The following FNDC3B variants were observed in gnomAD, a reference collection of about 807,000 sequenced individuals.
FNDC3B encodes the protein fibronectin type III domain containing 3B, also known as fibronectin type III domain-containing protein 3B.
A neutral mutation model predicts 151.5 loss-of-function variants in FNDC3B; 12 were observed. The observed-to-expected ratio is 0.08, with a 90% CI of 0.05 to 0.13. The LOEUF (loss-of-function observed/expected upper bound fraction) is 0.13, where lower values mean the gene tolerates loss of function less well. FNDC3B is among the 10% of genes least tolerant of loss of function. The pLI is 1.00. For synonymous variants in FNDC3B, 528 were observed against 549.0 expected (o/e 0.96, Z 0.54); for missense variants, 1,214 against 1,505.3 (o/e 0.81, Z 3.20).
intron 1 of FNDC3B, among the ~76,000 whole-genome samples, chr3:172,045,794 CTATA>C (rs1164183832): frequency 5.7e-4 from 83 of 146,886 alleles, no homozygotes; most frequent in African/African-American, 2.0e-3. Flanking sequence ...CTCTCTCTCT[CTATA>C]TATATATATA....
At chr3:172,228,277 A>G (rs1179197125) in intron 4 of FNDC3B, among the ~76,000 whole-genome samples, 1 of 152,224 alleles carries the variant, frequency 6.6e-6, no homozygotes. Flanking sequence ...CCGTCAGTTA[A>G]CAGAAAAGAA....
At chr3:172,041,422 CTT>C (rs1716058813) in intron 1 of FNDC3B, among the ~76,000 whole-genome samples, 1 of 42,722 alleles carries the variant, frequency 2.3e-5, no homozygotes, top group Non-Finnish European at 4.6e-5. Context: ...TCCTTCCTTC[CTT>C]CCTTCCTTCC....
intron 3 of FNDC3B, among the ~76,000 whole-genome samples, chr3:172,136,022 G>A (rs139615720): frequency 2.0e-3 from 311 of 152,300 alleles, no homozygotes; most frequent in Middle Eastern, 0.017. Context: ...CCTTTAGTGA[G>A]TGTGTAGTTA....
At chr3:172,161,180 T>G (rs1377096982) in intron 3 of FNDC3B, among the ~76,000 whole-genome samples, 1 of 152,256 alleles carries the variant, frequency 6.6e-6, no homozygotes, top group East Asian at 1.9e-4. Context: ...ATTTCACATC[T>G]GAATTTGAGC....
At position 172,352,940 on chromosome 3, in the gene FNDC3B, G is replaced by C; in HGVS notation, c.2652G>C (p.Ala884=). Residue 884 remains alanine (A), a synonymous_variant, in exon 22 of 26, where the codon GCG becomes GCC. Coordinates refer to ENST00000415807, the MANE Select transcript of FNDC3B (RefSeq NM_022763.4). The surrounding 1 kb of genome is among the most constrained non-coding windows in gnomAD (Gnocchi z 4.2). ...ATGCCTACCCTGATTCACCTTCTGC[G>C]TGCCTTGTACTGAACTGGGAAGAGC... The part of the protein sequence containing the change: ...PLDAYPDSPS[A]CLVLNWEEPC... The C allele has an allele frequency of 6.2e-7, 1 of 1,614,176 alleles. No homozygotes were observed. Among genetic ancestry groups the C allele is most frequent in the Non-Finnish European group, 8.5e-7 (1 of 1,180,034 alleles).
At chr3:172,362,035 A>C (rs1478571285) in intron 22 of FNDC3B, among the ~76,000 whole-genome samples, 1 of 152,194 alleles carries the variant, frequency 6.6e-6, no homozygotes, top group Non-Finnish European at 1.5e-5. Flanking sequence ...GATTAAGGTA[A>C]TATGTTTCTT....
chr3:172,206,541 C>T (rs1042362091), intron 3 of FNDC3B, among the ~76,000 whole-genome samples: 1 of 151,518 alleles, frequency 6.6e-6, no homozygotes, highest in Admixed American at 6.6e-5. Context: ...CGCCTGTAAT[C>T]CCAGCTACTC....
intron 8 of FNDC3B, among the ~76,000 whole-genome samples, chr3:172,297,761 A>C (rs1206138837): frequency 4.2e-5 from 5 of 119,744 alleles, no homozygotes; most frequent in South Asian, 6.1e-4. Context: ...GGCGTGAGCC[A>C]CCGCGCCCGG....
intron 4 of FNDC3B, among the ~76,000 whole-genome samples, chr3:172,240,358 A>G (rs1250779397): frequency 6.6e-6 from 1 of 152,172 alleles, no homozygotes; most frequent in Non-Finnish European, 1.5e-5. Context: ...ATTGATGAGT[A>G]AGATTTTGTT....
At chr3:172,285,088 A>C (rs1729942532) in intron 6 of FNDC3B, among the ~76,000 whole-genome samples, 1 of 151,972 alleles carries the variant, frequency 6.6e-6, no homozygotes, top group Non-Finnish European at 1.5e-5. Flanking sequence ...CCCCACCCCC[A>C]AAACATGCCC....
At chr3:172,329,352 C>T in intron 12 of FNDC3B, 1 of 350,584 alleles carries the variant, frequency 2.9e-6, no homozygotes, top group Non-Finnish European at 5.1e-6. Flanking sequence ...GAAAGGAATT[C>T]CTCTTGGAGC....
intron 6 of FNDC3B, among the ~76,000 whole-genome samples, chr3:172,258,371 C>A (rs548399896): frequency 1.3e-5 from 2 of 152,086 alleles, no homozygotes; most frequent in Non-Finnish European, 2.9e-5. Context: ...TCCTTATTAC[C>A]GGTTCTTTGT....
intron 1 of FNDC3B, among the ~76,000 whole-genome samples, chr3:172,045,148 A>G (rs1576813230): frequency 1.3e-5 from 2 of 152,180 alleles, no homozygotes; most frequent in Non-Finnish European, 2.9e-5. Flanking sequence ...GTGCTATGGT[A>G]TTTCTCTGCA....
chr3:172,065,157 C>T (rs1717427788), intron 1 of FNDC3B, among the ~76,000 whole-genome samples: 1 of 152,138 alleles, frequency 6.6e-6, no homozygotes, highest in East Asian at 1.9e-4. Flanking sequence ...CATGGTGAAA[C>T]CCCATCTCTA....
intron 8 of FNDC3B, among the ~76,000 whole-genome samples, chr3:172,297,576 G>A (rs776760005): frequency 7.2e-5 from 11 of 151,966 alleles, no homozygotes; most frequent in South Asian, 2.1e-4. Context: ...CTGGGTTCAC[G>A]CCATTCTCCT....
intron 3 of FNDC3B, among the ~76,000 whole-genome samples, chr3:172,161,226 G>A (rs1010667792): frequency 4.6e-5 from 7 of 152,186 alleles, no homozygotes; most frequent in African/African-American, 1.7e-4. Flanking sequence ...AATGTGAACC[G>A]ACTGATCGCT....
Position 172,048,193 on chromosome 3 carries a change from G to A in FNDC3B, c.-29+8422G>A, listed in dbSNP as rs942545461. ...TCTACTTAGGGGTCAGATTTGACCAGTTTTTAACAGTACAAGTTGTACATA... is the reference window on the plus strand; with the variant it reads ...TCTACTTAGGGGTCAGATTTGACCAATTTTTAACAGTACAAGTTGTACATA... On this transcript the variant is annotated intron_variant, in intron 1 of 25. Transcript: ENST00000415807. 3.3e-5 allele frequency among the ~76,000 whole-genome samples: 5 copies of A among 152,288 alleles called. No homozygotes were observed. The East Asian group carries it at 9.6e-4, about 29-fold the overall frequency.
At chr3:172,181,407 A>C (rs955948610) in intron 3 of FNDC3B, among the ~76,000 whole-genome samples, 2 of 145,042 alleles carry the variant, frequency 1.4e-5, no homozygotes, top group East Asian at 2.0e-4. Flanking sequence ...AAAAAAAAAA[A>C]AAAAAAACAA....
At chr3:172,145,436 A>G (rs889923870) in intron 3 of FNDC3B, among the ~76,000 whole-genome samples, 2 of 152,238 alleles carry the variant, frequency 1.3e-5, no homozygotes, top group Non-Finnish European at 2.9e-5. Context: ...AGTTCTCATT[A>G]AAGTGGGTAT....
Sources: gnomAD v4.1 joint callset for allele counts (sites outside exome capture counted in the v4.1 genomes callset) on GRCh38, gnomAD v4.1.1 for gene constraint, Gnocchi (gnomAD v3.1) non-coding constraint, MANE v1.5 for transcripts, NCBI Gene and HGNC (gene_info 2026-07-23, HGNC 2026-07-21) for gene names.